OPCML: variants seen among roughly 807,000 people sequenced by gnomAD.
OPCML encodes opioid-binding protein/cell adhesion molecule.
A neutral mutation model predicts 37.8 loss-of-function variants in OPCML; 13 were observed. The observed-to-expected ratio is 0.34, with a 90% CI of 0.22 to 0.55. OPCML has a LOEUF of 0.55. Ranked by LOEUF, OPCML falls within the 20% of genes least tolerant of loss-of-function variation. The probability of loss-of-function intolerance (pLI) is 0.91; values close to 1 mark genes in which losing one functional copy is unlikely to be tolerated. For synonymous variants in OPCML, 176 were observed against 168.8 expected (o/e 1.04, Z -0.33); for missense variants, 341 against 435.6 (o/e 0.78, Z 1.93).
chr11:133,456,738 C>A (rs1946679105), intron 1 of OPCML, among the ~76,000 whole-genome samples: 1 of 146,864 alleles, frequency 6.8e-6, no homozygotes, highest in African/African-American at 2.5e-5. Flanking sequence ...TACTTTAAAA[C>A]AAACAAATAG....
intron 1 of OPCML, among the ~76,000 whole-genome samples, chr11:133,135,440 G>GTTT (rs11291782): frequency 8.6e-4 from 113 of 131,234 alleles, no homozygotes; most frequent in African/African-American, 3.0e-3. Context: ...CCCTCCATAG[G>GTTT]TTTTTTTTTT....
chr11:133,417,491 A>AT (rs576529644), intron 1 of OPCML, among the ~76,000 whole-genome samples: 27 of 149,968 alleles, frequency 1.8e-4, no homozygotes, highest in East Asian at 3.9e-4. Context: ...TTATTTATTT[A>AT]TTATTATTAT....
Position 132,415,711 on chromosome 11 carries a change from A to G in OPCML, c.*4482T>C, listed in dbSNP as rs565019206. On this transcript the variant is annotated 3_prime_UTR_variant, in exon 8 of 8. Coordinates refer to ENST00000524381, the MANE Select transcript of OPCML (RefSeq NM_001012393.5). ...AAGACAACTGCATCTAATTAAGTCC[A>G]CTCCACATTTCTTTGGACTCTAAGT... 15 of 152,572 alleles carry G rather than the reference A, an allele frequency of 9.8e-5. No individual in the cohort carries two copies. Among genetic ancestry groups the G allele is most frequent in the Admixed American group, 7.2e-4 (11 of 15,286 alleles). The allele number at this position is 152,572 out of a possible 1,614,324, so 9.5% of individuals were successfully genotyped here. A position where few individuals can be genotyped will look rare whatever the true frequency, so the allele number is the denominator to read the frequency against.
At chr11:133,261,803 C>G (rs1012405901) in intron 1 of OPCML, among the ~76,000 whole-genome samples, 1 of 152,202 alleles carries the variant, frequency 6.6e-6, no homozygotes, top group Non-Finnish European at 1.5e-5. Context: ...CTTCTGTGAG[C>G]GGCACCCTCA....
chr11:132,984,738 T>C (rs951336190), intron 1 of OPCML, among the ~76,000 whole-genome samples: 8 of 152,198 alleles, frequency 5.3e-5, no homozygotes, highest in Non-Finnish European at 1.0e-4. Context: ...TCTGCAAGCT[T>C]CAGAGACCAC....
chr11:132,466,695 G>A (rs1280334595), intron 4 of OPCML, among the ~76,000 whole-genome samples: 2 of 152,128 alleles, frequency 1.3e-5, no homozygotes, highest in African/African-American at 4.8e-5. Context: ...CTCCAGCCGA[G>A]GAGTTGTAGG....
intron 2 of OPCML, among the ~76,000 whole-genome samples, chr11:132,857,901 C>G (rs888357604): frequency 2.6e-5 from 4 of 152,166 alleles, no homozygotes; most frequent in Non-Finnish European, 4.4e-5. Context: ...CCCGAGACCA[C>G]AGAGTGTGAG....
intron 2 of OPCML, among the ~76,000 whole-genome samples, chr11:132,903,788 C>T (rs1372996297): frequency 6.6e-6 from 1 of 152,184 alleles, no homozygotes; most frequent in Admixed American, 6.5e-5. Context: ...CCTCACTAAC[C>T]TTTCCCCTCA....
chr11:133,046,575 C>T (rs1948021892), intron 1 of OPCML, among the ~76,000 whole-genome samples: 1 of 152,154 alleles, frequency 6.6e-6, no homozygotes, highest in Non-Finnish European at 1.5e-5. Context: ...GCTGGGAGAA[C>T]ACAACACAAC....
chr11:132,681,083 G>A (rs920558619), intron 2 of OPCML, among the ~76,000 whole-genome samples: 1 of 152,168 alleles, frequency 6.6e-6, no homozygotes, highest in African/African-American at 2.4e-5. Flanking sequence ...AGGAGAGTGA[G>A]GCCACATGGT....
chr11:133,203,323 C>T (rs1427021604), intron 1 of OPCML, among the ~76,000 whole-genome samples: 2 of 152,178 alleles, frequency 1.3e-5, no homozygotes, highest in Non-Finnish European at 2.9e-5. Flanking sequence ...AGATTCTCTA[C>T]AGATTCTAAA....
intron 2 of OPCML, among the ~76,000 whole-genome samples, chr11:132,916,149 A>G (rs1244885760): frequency 6.6e-6 from 1 of 152,136 alleles, no homozygotes; most frequent in African/African-American, 2.4e-5. Flanking sequence ...TTGTAGTATA[A>G]AGTGTAGTTT....
At chr11:132,762,212 T>G (rs937617485) in intron 2 of OPCML, among the ~76,000 whole-genome samples, 1 of 152,190 alleles carries the variant, frequency 6.6e-6, no homozygotes, top group Non-Finnish European at 1.5e-5. Context: ...CCTGCCAAGA[T>G]GCCAGCTGGA....
intron 2 of OPCML, among the ~76,000 whole-genome samples, chr11:132,909,689 A>G (rs1229536365): frequency 6.6e-6 from 1 of 152,112 alleles, no homozygotes; most frequent in African/African-American, 2.4e-5. Context: ...GGCTGATGTC[A>G]CTCTGAACAG....
At chr11:133,431,804 T>C (rs1344949748) in intron 1 of OPCML, among the ~76,000 whole-genome samples, 2 of 147,780 alleles carry the variant, frequency 1.4e-5, no homozygotes, top group Admixed American at 6.8e-5. Context: ...AAAATATTTA[T>C]ATATAATATA....
chr11:132,561,292 T>C (rs576063946), intron 3 of OPCML, among the ~76,000 whole-genome samples: 8 of 152,240 alleles, frequency 5.3e-5, no homozygotes, highest in Admixed American at 1.3e-4. Flanking sequence ...ATCTTCCACA[T>C]TGATGAGAAA....
At chr11:132,908,741 A>G (rs1321428214) in intron 2 of OPCML, among the ~76,000 whole-genome samples, 2 of 152,384 alleles carry the variant, frequency 1.3e-5, no homozygotes, top group Non-Finnish European at 2.9e-5. Context: ...ATTGATTTGT[A>G]CATGCCATAA....
chr11:133,375,916 A>C (rs1944793129), intron 1 of OPCML, among the ~76,000 whole-genome samples: 1 of 152,192 alleles, frequency 6.6e-6, no homozygotes, highest in Non-Finnish European at 1.5e-5. Context: ...CAAAAGTGTC[A>C]GCTCCTCATT....
chr11:133,461,212 G>A (rs987244747), intron 1 of OPCML, among the ~76,000 whole-genome samples: 2 of 151,808 alleles, frequency 1.3e-5, no homozygotes, highest in Non-Finnish European at 2.9e-5. Flanking sequence ...AATAGTACTA[G>A]AAGTACAAGC....
Sources: gnomAD v4.1 joint callset for allele counts (sites outside exome capture counted in the v4.1 genomes callset) on GRCh38, gnomAD v4.1.1 for gene constraint, MANE v1.5 for transcripts, NCBI Gene and HGNC (gene_info 2026-07-23, HGNC 2026-07-21) for gene names.